CTNNA2: variants seen among roughly 807,000 people sequenced by gnomAD.
CTNNA2 encodes catenin alpha-2.
In CTNNA2, 42 loss-of-function variants were observed where a neutral mutation model predicts 101.0. The observed-to-expected ratio is 0.42, with a 90% CI of 0.32 to 0.54. CTNNA2 has a LOEUF of 0.54. Ranked by LOEUF, CTNNA2 falls within the 20% of genes least tolerant of loss-of-function variation. CTNNA2 has a pLI of 0.14. For synonymous variants in CTNNA2, 450 were observed against 456.4 expected, an observed-to-expected ratio of 0.99 and a Z score of 0.18; for missense variants, 871 against 1,223.1, an observed-to-expected ratio of 0.71 and a Z score of 4.29.
chr2:79,627,266 G>C (rs1679380429), intron 1 of CTNNA2, among the ~76,000 whole-genome samples: 1 of 152,220 alleles, frequency 6.6e-6, no homozygotes, highest in South Asian at 2.1e-4. Flanking sequence ...TGCTTCTTCA[G>C]TTATTTCTAT....
rs997944274 is a variant in CTNNA2 at position 79,301,848 on chromosome 2, G to C, written c.-405-10861G>C. 5.3e-5 allele frequency among the ~76,000 whole-genome samples: 8 copies of C among 152,166 alleles called. No individual in the cohort carries two copies. The East Asian group carries it at 1.6e-3, about 30-fold the overall frequency. ...TCACATCTGTAATCCTACTGCTTTG[G>C]GAGGCTGAGGCGGGTGGATCATATT... On this transcript the variant is annotated intron_variant, in intron 2 of 21. Coordinates refer to the CTNNA2 transcript ENST00000466387.
chr2:79,947,878 T>A (rs1688611499), intron 7 of CTNNA2, among the ~76,000 whole-genome samples: 1 of 152,256 alleles, frequency 6.6e-6, no homozygotes, highest in Admixed American at 6.5e-5. Context: ...ATGTTTGCTA[T>A]GGACTTAAAG....
intron 3 of CTNNA2, among the ~76,000 whole-genome samples, chr2:79,784,984 TTGA>T (rs2105220454): frequency 1.3e-5 from 2 of 152,264 alleles, no homozygotes; most frequent in East Asian, 3.9e-4. Flanking sequence ...AAGCTATATA[TTGA>T]TGATATGTGT....
intron 17 of CTNNA2, among the ~76,000 whole-genome samples, chr2:80,617,409 C>A (rs1698942346): frequency 6.6e-6 from 1 of 151,470 alleles, no homozygotes; most frequent in Admixed American, 6.6e-5. Flanking sequence ...ACAAAAAAAG[C>A]TGTTGAATAT....
chr2:79,936,851 GTCTCTTAGATTTT>G (rs1212989264), intron 7 of CTNNA2, among the ~76,000 whole-genome samples: 1 of 152,126 alleles, frequency 6.6e-6, no homozygotes, highest in African/African-American at 2.4e-5. Flanking sequence ...GAAGCTTGAA[GTCTCTTAGATTTT>G]TCTCTTATCT....
intron 4 of CTNNA2, among the ~76,000 whole-genome samples, chr2:79,477,416 C>A (rs566937869): frequency 6.6e-6 from 1 of 152,106 alleles, no homozygotes; most frequent in African/African-American, 2.4e-5. Flanking sequence ...GGTAATCAAC[C>A]TGCCTTGGCC....
intron 7 of CTNNA2, among the ~76,000 whole-genome samples, chr2:80,042,599 T>A (rs1317100459): frequency 6.6e-6 from 1 of 152,110 alleles, no homozygotes; most frequent in Admixed American, 6.5e-5. Context: ...GAGAAGGATC[T>A]TGAGGCACTG....
chr2:80,377,112 T>A (rs1185500851), intron 7 of CTNNA2, among the ~76,000 whole-genome samples: 1 of 152,238 alleles, frequency 6.6e-6, no homozygotes, highest in Non-Finnish European at 1.5e-5. Flanking sequence ...TATGAGTATG[T>A]CATGAATGGA....
At chr2:79,421,840 G>A (rs1011392276) in intron 4 of CTNNA2, among the ~76,000 whole-genome samples, 2 of 152,088 alleles carry the variant, frequency 1.3e-5, no homozygotes, top group African/African-American at 2.4e-5. Context: ...CAATATATAC[G>A]TAATTTTTTC....
At chr2:79,909,948 GCGTGT>G (rs1435755109) in intron 7 of CTNNA2, 151 bp downstream of exon 7, 2 of 729,470 alleles carry the variant, frequency 2.7e-6, no homozygotes, top group African/African-American at 3.6e-5. Flanking sequence ...TTGGGAGAGC[GCGTGT>G]CGTGTGTGTT....
At chr2:79,289,499 C>T (rs552903190) in intron 2 of CTNNA2, among the ~76,000 whole-genome samples, 31 of 152,214 alleles carry the variant, frequency 2.0e-4, no homozygotes, top group Non-Finnish European at 1.3e-4. Flanking sequence ...TGGTGGCTCA[C>T]GCCTGTAATC....
chr2:80,034,377 G>A (rs1301811897), intron 7 of CTNNA2, among the ~76,000 whole-genome samples: 10 of 129,974 alleles, frequency 7.7e-5, no homozygotes, highest in African/African-American at 1.2e-4. Flanking sequence ...TTTTTGATAC[G>A]GAGTCTCGCT....
chr2:79,217,189 G>A (rs1674275121), intron 2 of CTNNA2, among the ~76,000 whole-genome samples: 2 of 152,188 alleles, frequency 1.3e-5, no homozygotes, highest in African/African-American at 4.8e-5. Flanking sequence ...GATGTTCCTT[G>A]GGCTGGTGGG....
chr2:79,744,732 A>G, intron 3 of CTNNA2, 150 bp downstream of exon 3: 1 of 743,514 alleles, frequency 1.3e-6, no homozygotes, highest in East Asian at 2.8e-5. Context: ...TGTTTGCTGG[A>G]TGTGGTACAT....
chr2:80,471,073 C>T (rs2149486017), intron 9 of CTNNA2, among the ~76,000 whole-genome samples: 1 of 152,180 alleles, frequency 6.6e-6, no homozygotes, highest in East Asian at 1.9e-4. Context: ...GCAAGCAGCC[C>T]ATGATAGGGG....
At chr2:80,587,072 G>A (rs763354178) in intron 14 of CTNNA2, among the ~76,000 whole-genome samples, 2 of 152,116 alleles carry the variant, frequency 1.3e-5, no homozygotes, top group Non-Finnish European at 2.9e-5. Context: ...ATCCAGTTGT[G>A]TAGAGTGGTT....
At chr2:80,543,096 TAA>T (rs1441012057) in intron 9 of CTNNA2, among the ~76,000 whole-genome samples, 1 of 152,244 alleles carries the variant, frequency 6.6e-6, no homozygotes, top group Non-Finnish European at 1.5e-5. Flanking sequence ...TAAGTTACAC[TAA>T]GTTTACAAGC....
chr2:80,601,417 C>CTTTTTTTTTTTTTTT lies in CTNNA2; in HGVS notation c.2190-2654_2190-2653insTTTTTTTTTTTTTTT, dbSNP rs375645223. ...GATTTAATGACTTTTTTCTTTCTTT[C>CTTTTTTTTTTTTTTT]TTTCTTTTTTTTTTTTTTTGATGAG... On this transcript the variant is annotated intron_variant, in intron 15 of 18. Transcript: ENST00000402739. 1.6e-3 allele frequency among the ~76,000 whole-genome samples: 146 copies of CTTTTTTTTTTTTTTT among 94,138 alleles called. 10 individuals carry two copies. The highest frequency in any genetic ancestry group is 6.3e-3 in the Middle Eastern group (1 of 158). The allele number at this position is 94,138 out of a possible 152,430, so 61.8% of individuals were successfully genotyped here.
chr2:80,262,170 G>A (rs115221842), intron 7 of CTNNA2, among the ~76,000 whole-genome samples: 11,059 of 152,134 alleles, frequency 0.073, 564 homozygotes, highest in South Asian at 0.29. Context: ...CTGTTCATAT[G>A]TATATGAAGA....
Sources: gnomAD v4.1 joint callset for allele counts (sites outside exome capture counted in the v4.1 genomes callset) on GRCh38, gnomAD v4.1.1 for gene constraint, MANE v1.5 for transcripts, NCBI Gene and HGNC (gene_info 2026-07-23, HGNC 2026-07-21) for gene names.